DRC8: variants seen among roughly 807,000 people sequenced by gnomAD.
DRC8 encodes the protein dynein regulatory complex protein 8.
chr1:244,984,763 AGGTGGAGGTTGC>A, the DRC8 span, among the ~76,000 whole-genome samples: 1 of 149,500 alleles, frequency 6.7e-6, no homozygotes. Context: ...TGAACCTGGG[AGGTGGAGGTTGC>A]GGTGAGCCGA....
chr1:245,101,879 G>T, the DRC8 span, among the ~76,000 whole-genome samples: 3,794 of 152,120 alleles, frequency 0.025, 171 homozygotes, highest in African/African-American at 0.086. Flanking sequence ...CTTCAGGTTG[G>T]ATTCTAAAAG....
chr1:245,105,622 C>CAAAAA, the DRC8 span, among the ~76,000 whole-genome samples: 1 of 114,376 alleles, frequency 8.7e-6, no homozygotes, highest in Non-Finnish European at 1.7e-5. Flanking sequence ...GACCCCATCT[C>CAAAAA]AAAAAAAAAA....
At chr1:245,090,247 G>A in the DRC8 span, among the ~76,000 whole-genome samples, 1 of 152,182 alleles carries the variant, frequency 6.6e-6, no homozygotes, top group East Asian at 1.9e-4. Flanking sequence ...GTGGGTGACA[G>A]ATGGGAGGGG....
At chr1:245,050,362 A>T in the DRC8 span, among the ~76,000 whole-genome samples, 1 of 151,420 alleles carries the variant, frequency 6.6e-6, no homozygotes, top group South Asian at 2.1e-4. Flanking sequence ...GGCTTCCCAA[A>T]CTCCTGGGAT....
the DRC8 span, among the ~76,000 whole-genome samples, chr1:245,054,496 G>A: frequency 1.3e-5 from 2 of 151,812 alleles, no homozygotes; most frequent in African/African-American, 4.8e-5. Context: ...TACCTCCCTC[G>A]ACCTCTCAGC....
the DRC8 span, among the ~76,000 whole-genome samples, chr1:245,074,021 A>C: frequency 6.6e-6 from 1 of 152,254 alleles, no homozygotes; most frequent in Non-Finnish European, 1.5e-5. Context: ...TTTAAAATGC[A>C]AAAATAAAGA....
At chr1:245,021,563 G>C in the DRC8 span, among the ~76,000 whole-genome samples, 1 of 152,114 alleles carries the variant, frequency 6.6e-6, no homozygotes, top group Admixed American at 6.5e-5. Flanking sequence ...GGCCTCCCAA[G>C]TAGCTGGGAT....
At chr1:244,988,560 C>T in the DRC8 span, among the ~76,000 whole-genome samples, 1 of 152,164 alleles carries the variant, frequency 6.6e-6, no homozygotes, top group Admixed American at 6.5e-5. Context: ...ATTGCTAGTT[C>T]CAAAATATTG....
At chr1:245,033,126 A>T in the DRC8 span, among the ~76,000 whole-genome samples, 1 of 152,238 alleles carries the variant, frequency 6.6e-6, no homozygotes, top group African/African-American at 2.4e-5. Context: ...CCGGTACTGC[A>T]TGCGAAGGAG....
chr1:244,970,384 T>A, the DRC8 span: 1 of 1,535,030 alleles, frequency 6.5e-7, no homozygotes, highest in African/African-American at 1.4e-5. Context: ...GAGGTTATCG[T>A]TAGGCATCTC....
chr1:244,973,420 G>A, the DRC8 span, among the ~76,000 whole-genome samples: 1 of 152,140 alleles, frequency 6.6e-6, no homozygotes, highest in Non-Finnish European at 1.5e-5. Flanking sequence ...CAGAGTGCTT[G>A]GAACGTGGTA....
chr1:244,971,363 G>C, the DRC8 span, among the ~76,000 whole-genome samples: 4 of 152,256 alleles, frequency 2.6e-5, no homozygotes, highest in Non-Finnish European at 4.4e-5. Context: ...ACTGCGCTTC[G>C]AGGCTTAAGG....
At chr1:245,002,252 C>T in the DRC8 span, 6 of 1,571,856 alleles carry the variant, frequency 3.8e-6, no homozygotes, top group Non-Finnish European at 5.2e-6. Context: ...ATTCATACCT[C>T]CTCCCCATCA....
the DRC8 span, among the ~76,000 whole-genome samples, chr1:245,005,758 A>C: frequency 6.6e-6 from 1 of 152,356 alleles, no homozygotes; most frequent in Middle Eastern, 3.4e-3. Flanking sequence ...TTGATAGACT[A>C]TTATGATAGA....
the DRC8 span, among the ~76,000 whole-genome samples, chr1:245,024,061 T>C: frequency 6.6e-6 from 1 of 152,038 alleles, no homozygotes; most frequent in African/African-American, 2.4e-5. Context: ...TCCCAGCTAC[T>C]TGGGAGGCTG....
At chr1:244,970,619 A>G in the DRC8 span, 2 of 564,098 alleles carry the variant, frequency 3.5e-6, no homozygotes, top group South Asian at 2.4e-5. Context: ...CCGTCCCCGT[A>G]GCCCGCCCGG....
chr1:245,020,445 T>C, the DRC8 span, among the ~76,000 whole-genome samples: 1 of 152,096 alleles, frequency 6.6e-6, no homozygotes, highest in East Asian at 1.9e-4. Context: ...TGTGCCTCCA[T>C]GTACCTTTGC....
chr1:245,074,661 C>G, the DRC8 span, among the ~76,000 whole-genome samples: 2 of 152,162 alleles, frequency 1.3e-5, no homozygotes, highest in Non-Finnish European at 2.9e-5. Flanking sequence ...ATTTATAACC[C>G]AGAAGACTCG....
the DRC8 span, among the ~76,000 whole-genome samples, chr1:245,007,133 T>C: frequency 6.6e-6 from 1 of 151,736 alleles, no homozygotes; most frequent in Non-Finnish European, 1.5e-5. Flanking sequence ...CTTAATAGAG[T>C]AGTAGTTTTT....
Sources: gnomAD v4.1 joint callset for allele counts (sites outside exome capture counted in the v4.1 genomes callset) on GRCh38, gnomAD v4.1.1 for gene constraint, MANE v1.5 for transcripts, NCBI Gene and HGNC (gene_info 2026-07-23, HGNC 2026-07-21) for gene names.